The following GNG7 variants were observed in gnomAD, a reference collection of about 807,000 sequenced individuals.
The protein encoded by GNG7 is G protein subunit gamma 7, also known as guanine nucleotide-binding protein G(I)/G(S)/G(O) subunit gamma-7.
GNG7 carries 1 observed loss-of-function variant against 4.0 expected under a neutral mutation model. That is an observed-to-expected ratio of 0.25 (90% CI 0.09 to 1.18). The LOEUF is 1.18. Among genes scored for constraint, GNG7 ranks in the 50% most tolerant of loss-of-function variants. GNG7 has a pLI of 0.50. For missense variants in GNG7, 86 were observed against 91.9 expected (o/e 0.94, Z 0.26); for synonymous variants, 34 against 36.9 (o/e 0.92, Z 0.29).
intron 2 of GNG7, among the ~76,000 whole-genome samples, chr19:2,606,916 CA>C (rs1170170870): frequency 6.6e-6 from 1 of 151,312 alleles, no homozygotes; most frequent in Non-Finnish European, 1.5e-5. Flanking sequence ...CATGGAGTTG[CA>C]AACTTTTGAA....
At chr19:2,657,764 G>A (rs1038847045) in intron 1 of GNG7, among the ~76,000 whole-genome samples, 2 of 152,074 alleles carry the variant, frequency 1.3e-5, no homozygotes, top group Non-Finnish European at 2.9e-5. Context: ...GTTCCCTATG[G>A]GCAGCAGGCA....
intron 1 of GNG7, among the ~76,000 whole-genome samples, chr19:2,668,549 A>G (rs192375299): frequency 6.6e-6 from 1 of 152,170 alleles, no homozygotes; most frequent in East Asian, 1.9e-4. Context: ...AGCCCCCGGA[A>G]CACCCGAGGC....
chr19:2,569,490 T>C (rs1980080547), intron 2 of GNG7, among the ~76,000 whole-genome samples: 1 of 152,136 alleles, frequency 6.6e-6, no homozygotes, highest in African/African-American at 2.4e-5. Context: ...TTAGCCAGGA[T>C]GGTCTCGATC....
intron 2 of GNG7, chr19:2,642,659 CCTGT>C (rs1982539566): frequency 5.1e-6 from 2 of 390,892 alleles, no homozygotes; most frequent in African/African-American, 4.2e-5. Flanking sequence ...TGCCACCATA[CCTGT>C]CTAATTTTCT....
intron 3 of GNG7, among the ~76,000 whole-genome samples, chr19:2,541,585 C>A (rs4807294): frequency 6.6e-6 from 1 of 151,578 alleles, no homozygotes; most frequent in South Asian, 2.1e-4. Flanking sequence ...ATACAAAAAA[C>A]AAAAAAATTA....
chr19:2,544,953 A>C (rs1359106448), intron 3 of GNG7, among the ~76,000 whole-genome samples: 1 of 152,154 alleles, frequency 6.6e-6, no homozygotes, highest in Non-Finnish European at 1.5e-5. Context: ...CCCACACTAG[A>C]ATAAGCTCCC....
chr19:2,544,135 C>G (rs1448472435), intron 3 of GNG7, among the ~76,000 whole-genome samples: 2 of 152,192 alleles, frequency 1.3e-5, no homozygotes, highest in Non-Finnish European at 2.9e-5. Context: ...ATGACTGCTT[C>G]TGAGAACACA....
chr19:2,529,112 G>A (rs958884542), intron 3 of GNG7, among the ~76,000 whole-genome samples: 3 of 152,238 alleles, frequency 2.0e-5, no homozygotes, highest in African/African-American at 7.2e-5. Context: ...CCTGGGCAGA[G>A]CTGGAAGCTG....
At chr19:2,553,397 CATAT>C (rs369513158) in intron 3 of GNG7, among the ~76,000 whole-genome samples, 1 of 142,254 alleles carries the variant, frequency 7.0e-6, no homozygotes, top group African/African-American at 2.6e-5. Flanking sequence ...TATATATATA[CATAT>C]ATATATGTAA....
rs551326334 is a variant in GNG7 at position 2,618,505 on chromosome 19, C to T, written c.-78+27719G>A. 1.4e-4 allele frequency among the ~76,000 whole-genome samples: 21 copies of T among 152,070 alleles called. No individual in the cohort carries two copies. In the South Asian group the frequency reaches 4.1e-3, roughly 30 times the overall value. ...CTGGGATTACAGGCACGTGCCACCA[C>T]ACCCACCTAATTTTTGTATTTTCAG... On this transcript the variant is annotated intron_variant, in intron 2 of 4. Coordinates refer to ENST00000382159, the MANE Select transcript of GNG7 (RefSeq NM_052847.3). The surrounding 1 kb of genome is among the most constrained non-coding windows in gnomAD (Gnocchi z 5.1).
At chr19:2,550,919 C>G (rs1338403988) in intron 3 of GNG7, among the ~76,000 whole-genome samples, 2 of 152,180 alleles carry the variant, frequency 1.3e-5, no homozygotes, top group Admixed American at 6.5e-5. Context: ...GGGGATGGCC[C>G]GGCTGCTGGG....
intron 3 of GNG7, among the ~76,000 whole-genome samples, chr19:2,530,002 A>G (rs188006046): frequency 6.6e-6 from 1 of 152,196 alleles, no homozygotes; most frequent in African/African-American, 2.4e-5. Context: ...AATATCCATG[A>G]CCTCCTTCTA....
chr19:2,523,576 G>A (rs73516628), intron 3 of GNG7, among the ~76,000 whole-genome samples: 7 of 152,172 alleles, frequency 4.6e-5, no homozygotes, highest in Non-Finnish European at 8.8e-5. Flanking sequence ...CTCAACTACG[G>A]TGATGAATCC....
chr19:2,523,800 C>T (rs537733334), intron 3 of GNG7, among the ~76,000 whole-genome samples: 1 of 152,280 alleles, frequency 6.6e-6, no homozygotes, highest in African/African-American at 2.4e-5. Context: ...CTGGCTGTGA[C>T]TCCACGGCGA....
chr19:2,523,540 G>A (rs150407005), intron 3 of GNG7, among the ~76,000 whole-genome samples: 1 of 152,126 alleles, frequency 6.6e-6, no homozygotes, highest in East Asian at 1.9e-4. Context: ...TAATAAAAGG[G>A]CAACACGAAT....
chr19:2,519,182 G>A (rs1448179290), intron 4 of GNG7, among the ~76,000 whole-genome samples: 9 of 117,834 alleles, frequency 7.6e-5, no homozygotes, highest in East Asian at 2.5e-4. Context: ...ATAGAGTCTC[G>A]CTCTGTTCCC....
chr19:2,680,534 G>T (rs957968532), intron 1 of GNG7, among the ~76,000 whole-genome samples: 1 of 151,178 alleles, frequency 6.6e-6, no homozygotes, highest in Admixed American at 6.6e-5. Context: ...ACTAACAGTG[G>T]GTTTTTTAGT....
At chr19:2,551,293 G>T (rs1281614396) in intron 3 of GNG7, among the ~76,000 whole-genome samples, 1 of 152,150 alleles carries the variant, frequency 6.6e-6, no homozygotes, top group Non-Finnish European at 1.5e-5. Context: ...TATATTCATG[G>T]AGAAGGACGT....
chr19:2,590,906 C>T (rs1980834358), intron 2 of GNG7, among the ~76,000 whole-genome samples: 1 of 152,066 alleles, frequency 6.6e-6, no homozygotes, highest in African/African-American at 2.4e-5. Context: ...TTTATCCATC[C>T]ATTCATCCAT....
Sources: gnomAD v4.1 joint callset for allele counts (sites outside exome capture counted in the v4.1 genomes callset) on GRCh38, gnomAD v4.1.1 for gene constraint, Gnocchi (gnomAD v3.1) non-coding constraint, MANE v1.5 for transcripts, NCBI Gene and HGNC (gene_info 2026-07-23, HGNC 2026-07-21) for gene names.